Variants in MTCL1 observed in about 807,000 individuals in gnomAD.
MTCL1 encodes microtubule crosslinking factor 1, also known as microtubule cross-linking factor 1.
MTCL1 carries 79 observed loss-of-function variants against 141.4 expected under a neutral mutation model. The observed-to-expected ratio is 0.56, with a 90% confidence interval of 0.47 to 0.67. MTCL1 has a LOEUF of 0.67. Ranked by LOEUF, MTCL1 falls within the 30% of genes least tolerant of loss-of-function variation. The pLI, the probability that MTCL1 is intolerant of heterozygous loss-of-function variation, is 0.00. For missense variants in MTCL1, 2,177 were observed against 2,113.9 expected, an observed-to-expected ratio of 1.03 and a Z score of -0.59; for synonymous variants, 914 against 875.8, an observed-to-expected ratio of 1.04 and a Z score of -0.77.
chr18:8,759,284 A>G (rs560014257), intron 4 of MTCL1, among the ~76,000 whole-genome samples: 9 of 152,336 alleles, frequency 5.9e-5, no homozygotes, highest in African/African-American at 2.2e-4. Context: ...GCAGAAAAAC[A>G]TTGTGAAGTA....
At chr18:8,715,007 A>G (rs60691467), upstream of MTCL1, among the ~76,000 whole-genome samples, 1,299 of 152,230 alleles carry the variant, frequency 8.5e-3, 27 homozygotes, top group African/African-American at 0.028. Context: ...TGTGTTAGCC[A>G]GGATGGTCTT....
intron 4 of MTCL1, among the ~76,000 whole-genome samples, chr18:8,763,100 A>G (rs940267847): frequency 6.6e-6 from 1 of 152,194 alleles, no homozygotes; most frequent in Non-Finnish European, 1.5e-5. Flanking sequence ...CCCGCTCAAT[A>G]CATCCTCATT....
chr18:8,813,370 A>C, intron 12 of MTCL1, 137 bp downstream of exon 11: 1 of 1,072,980 alleles, frequency 9.3e-7, no homozygotes. Flanking sequence ...AAGAGAGAGA[A>C]ATTCTAGAAT....
In MTCL1 at chr18:8,779,231, G is replaced by A. The variant is rs941838582; in HGVS notation, c.417+1339G>A. ...TGACAAGGCCTTTCCCGCTGGTGGTGATGGTGGTGGGCCCCTGGGTGTCTC... is the reference window on the plus strand; with the variant it reads ...TGACAAGGCCTTTCCCGCTGGTGGTAATGGTGGTGGGCCCCTGGGTGTCTC... On this transcript the variant is annotated intron_variant, in intron 5 of 16. Coordinates refer to ENST00000359865, the Ensembl canonical transcript of MTCL1. The surrounding 1 kb of genome is among the most constrained non-coding windows in gnomAD (Gnocchi z 4.1). 6.6e-6 allele frequency among the ~76,000 whole-genome samples: 1 copy of A among 152,168 alleles called. No individual in the cohort carries two copies. Among genetic ancestry groups the A allele is most frequent in the African/African-American group, 2.4e-5 (1 of 41,432 alleles).
rs915199963 is a variant in MTCL1 at position 8,830,445 on chromosome 18, T to C, written c.*19-1162T>C. 7 of 985,508 alleles carry C rather than the reference T, an allele frequency of 7.1e-6. No individual in the cohort carries two copies. The highest frequency in any genetic ancestry group is 6.1e-5 in the Admixed American group (1 of 16,266). The allele number at this position is 985,508 out of a possible 1,614,324, so 61.0% of individuals were successfully genotyped here. ...CTGGAAGCCTGTGGCTCCCACGCTGTCCTCGGGCCATGCTGTCTCTGCCGT... is the reference window on the plus strand; with the variant it reads ...CTGGAAGCCTGTGGCTCCCACGCTGCCCTCGGGCCATGCTGTCTCTGCCGT... On this transcript the variant is annotated intron_variant, in intron 16 of 16. Coordinates refer to ENST00000359865, the Ensembl canonical transcript of MTCL1. The surrounding 1 kb of genome is among the most constrained non-coding windows in gnomAD (Gnocchi z 6.4).
Position 8,784,917 on chromosome 18 carries a change from G to A in MTCL1, c.1731+74G>A, listed in dbSNP as rs568177853. The A allele has an allele frequency of 2.7e-5, 36 of 1,333,412 alleles. 1 individual carries two copies. The Middle Eastern group carries it at 5.7e-4, about 21-fold the overall frequency. 82.6% of individuals were successfully genotyped at this position (1,333,412 alleles called of 1,614,324 possible). A position where few individuals can be genotyped will look rare whatever the true frequency, so the allele number is the denominator to read the frequency against. ...CTTCTCGCTGGCATTGCTGCACTCG[G>A]GCTCACGCTGCTCACGGCTGCTTGG... On this transcript the variant is annotated intron_variant, in intron 6 of 16. Coordinates refer to ENST00000359865, the Ensembl canonical transcript of MTCL1.
chr18:8,771,207 T>G (rs1598582251), intron 4 of MTCL1, among the ~76,000 whole-genome samples: 1 of 152,294 alleles, frequency 6.6e-6, no homozygotes, highest in Middle Eastern at 3.4e-3. Flanking sequence ...CAGGCTACTC[T>G]TGAACTCCTG....
exon 15 of MTCL1, chr18:8,824,714 C>T: frequency 6.2e-7 from 1 of 1,612,564 alleles, no homozygotes; most frequent in Non-Finnish European, 8.5e-7. Context: ...TGTCCGTGTC[C>T]TCCATGTCTG....
intron 4 of MTCL1, among the ~76,000 whole-genome samples, chr18:8,774,277 T>TG (rs1260605558): frequency 6.6e-5 from 10 of 151,478 alleles, no homozygotes; most frequent in Admixed American, 1.3e-4. Flanking sequence ...TGTGTGTGTA[T>TG]TTTTTTTTAA....
At chr18:8,763,093 G>A (rs186226388) in intron 4 of MTCL1, among the ~76,000 whole-genome samples, 7 of 152,308 alleles carry the variant, frequency 4.6e-5, no homozygotes, top group East Asian at 1.9e-4. Flanking sequence ...AACCAAGCCC[G>A]CTCAATACAT....
At chr18:8,799,694 C>T (rs904237734) in intron 10 of MTCL1, among the ~76,000 whole-genome samples, 13 of 152,228 alleles carry the variant, frequency 8.5e-5, no homozygotes, top group East Asian at 1.9e-4. Flanking sequence ...GTTCCCACCT[C>T]GCCACAAACC....
exon 6 of MTCL1, chr18:8,783,788 G>A (rs368971612): frequency 2.3e-5 from 37 of 1,613,204 alleles, no homozygotes; most frequent in Non-Finnish European, 2.8e-5. Flanking sequence ...CCGGAAGATC[G>A]TGGAGCTGGA....
chr18:8,819,632 C>T (rs558979819), intron 13 of MTCL1, among the ~76,000 whole-genome samples: 2 of 152,072 alleles, frequency 1.3e-5, no homozygotes, highest in African/African-American at 4.8e-5. Flanking sequence ...AGATGGAGGT[C>T]TCACTCTCTT....
chr18:8,734,190 A>G (rs1018162147), intron 4 of MTCL1, among the ~76,000 whole-genome samples: 6 of 151,804 alleles, frequency 4.0e-5, no homozygotes, highest in African/African-American at 1.2e-4. Flanking sequence ...GCCTCTGCCC[A>G]CTAGATGCTG....
chr18:8,792,863 C>T, intron 7 of MTCL1, 135 bp from the exon 7 acceptor site: 2 of 1,266,990 alleles, frequency 1.6e-6, no homozygotes, highest in South Asian at 1.4e-5. Flanking sequence ...GCCACAGTCA[C>T]TCCACTGCTG....
intron 11 of MTCL1, among the ~76,000 whole-genome samples, chr18:8,812,050 A>G (rs776879584): frequency 2.6e-5 from 4 of 152,198 alleles, no homozygotes; most frequent in Non-Finnish European, 4.4e-5. Context: ...CCTCTGTGCC[A>G]TTGCTGTCAT....
intron 4 of MTCL1, among the ~76,000 whole-genome samples, chr18:8,770,450 G>A (rs12606151): frequency 6.6e-6 from 1 of 152,236 alleles, no homozygotes; most frequent in Admixed American, 6.5e-5. Flanking sequence ...CTGGCTTGCA[G>A]AAAGCTGCCT....
chr18:8,708,687 T>G (rs2096070783), intron 1 of MTCL1, among the ~76,000 whole-genome samples: 1 of 152,196 alleles, frequency 6.6e-6, no homozygotes, highest in Non-Finnish European at 1.5e-5. Context: ...TGGTGAGCTT[T>G]TCTAGGGGCC....
chr18:8,745,334 C>T (rs187446828), intron 4 of MTCL1, among the ~76,000 whole-genome samples: 5 of 152,216 alleles, frequency 3.3e-5, no homozygotes, highest in Admixed American at 2.0e-4. Flanking sequence ...GTGTACCCCT[C>T]GGATGTATAT....
Sources: gnomAD v4.1 joint callset for allele counts (sites outside exome capture counted in the v4.1 genomes callset) on GRCh38, gnomAD v4.1.1 for gene constraint, Gnocchi (gnomAD v3.1) non-coding constraint, MANE v1.5 for transcripts, NCBI Gene and HGNC (gene_info 2026-07-23, HGNC 2026-07-21) for gene names.